Variants in ARCN1 observed in about 807,000 individuals in gnomAD.
ARCN1 encodes coatomer subunit delta.
In ARCN1, 5 loss-of-function variants were observed where a neutral mutation model predicts 60.4. That is an observed-to-expected ratio of 0.08 (90% confidence interval 0.04 to 0.17). ARCN1 has a LOEUF of 0.17. ARCN1 is among the 10% of genes least tolerant of loss of function. The probability of loss-of-function intolerance (pLI) is 1.00; values close to 1 mark genes in which losing one functional copy is unlikely to be tolerated. For missense variants in ARCN1, 464 were observed against 626.5 expected, an observed-to-expected ratio of 0.74 and a Z score of 2.77; for synonymous variants, 224 against 220.0, an observed-to-expected ratio of 1.02 and a Z score of -0.16.
chr11:118,578,933 T>G lies in ARCN1; in HGVS notation c.4-2313T>G, dbSNP rs1019659567. Among the ~76,000 whole-genome samples, 4 of 145,414 alleles carry G rather than the reference T, an allele frequency of 2.8e-5. No homozygotes were observed. In the East Asian group the frequency reaches 8.1e-4, roughly 30 times the overall value. ...ATAAAAAAAGAAAAATCCATTACCT[T>G]GAAGTGGCATAAATTTTTTTCATGA... On this transcript the variant is annotated intron_variant, in intron 1 of 9. Coordinates refer to ENST00000264028, the MANE Select transcript of ARCN1 (RefSeq NM_001655.5).
rs1555076150 is a variant in ARCN1 at position 118,590,490 on chromosome 11, A to C, written c.968A>C (p.Lys323Thr). ...CTTCATGTGGAAAATGAAGATAAGA[A>C]AGGGGTGCAGCTACAGGTGTGTAGA... ...IRLHVENEDK[K>T]GVQLQTHPNV... Residue 323 changes from lysine to threonine, a missense_variant, in exon 6 of 10, where the codon AAA becomes ACA. By Grantham distance (78) the Lys-to-Thr change is moderately conservative. Transcript: ENST00000264028. 2.5e-6 allele frequency: 4 copies of C among 1,614,058 alleles called. No homozygotes were observed. In the African/African-American group the frequency reaches 5.3e-5, roughly 22 times the overall value.
At chr11:118,577,075 T>G (rs1232767052) in intron 1 of ARCN1, among the ~76,000 whole-genome samples, 1 of 151,990 alleles carries the variant, frequency 6.6e-6, no homozygotes, top group Non-Finnish European at 1.5e-5. Context: ...TAGTCCCAGA[T>G]ACTTGGGAGG....
rs534175337 is a variant in ARCN1, at chr11:118,602,813, G to T, written c.*2099G>T. The T allele has an allele frequency of 1.3e-5, 2 of 153,770 alleles. No homozygotes were observed. Among genetic ancestry groups the T allele is most frequent in the South Asian group, 4.2e-4 (2 of 4,812 alleles). The allele number at this position is 153,770 out of a possible 1,614,324, so 9.5% of individuals were successfully genotyped here. ...TTTTTTTTCTGAGATTACTTTTGGGGTAATATTTAAAATGAGAGACATTTT... is the reference window on the plus strand; with the variant it reads ...TTTTTTTTCTGAGATTACTTTTGGGTTAATATTTAAAATGAGAGACATTTT... On this transcript the variant is annotated 3_prime_UTR_variant, in exon 10 of 10. Transcript: ENST00000264028.
At chr11:118,575,632 A>C (rs373729401) in intron 1 of ARCN1, among the ~76,000 whole-genome samples, 1 of 152,236 alleles carries the variant, frequency 6.6e-6, no homozygotes, top group East Asian at 1.9e-4. Context: ...TATAGAAACT[A>C]GCCTTAATAT....
intron 9 of ARCN1, 23 bp from the exon 10 acceptor site, chr11:118,600,602 T>C (rs782118013): frequency 6.4e-7 from 1 of 1,567,586 alleles, no homozygotes. Context: ...CTGCTTTACC[T>C]TACTCTTTGT....
chr11:118,598,241 A>G (rs1415757609), intron 9 of ARCN1, among the ~76,000 whole-genome samples: 10 of 152,140 alleles, frequency 6.6e-5, no homozygotes, highest in Non-Finnish European at 1.3e-4. Flanking sequence ...ATTTGCCAAA[A>G]CACCCCAACA....
intron 1 of ARCN1, 74 bp downstream of exon 1, chr11:118,572,624 A>AG: frequency 1.3e-6 from 2 of 1,557,218 alleles, no homozygotes; most frequent in Non-Finnish European, 1.7e-6. Flanking sequence ...GGCCTGGGGC[A>AG]GGGGCCGGAG....
chr11:118,575,049 G>T (rs1938456983), intron 1 of ARCN1, among the ~76,000 whole-genome samples: 1 of 152,174 alleles, frequency 6.6e-6, no homozygotes, highest in Non-Finnish European at 1.5e-5. Flanking sequence ...CACAATCTCA[G>T]CTCACTGCAA....
chr11:118,595,130 C>T (rs535028089), intron 8 of ARCN1, among the ~76,000 whole-genome samples: 3 of 152,236 alleles, frequency 2.0e-5, no homozygotes, highest in Non-Finnish European at 4.4e-5. Flanking sequence ...GGATTACAGG[C>T]GTGAGCCACT....
intron 1 of ARCN1, among the ~76,000 whole-genome samples, chr11:118,574,242 C>T (rs1938429347): frequency 6.6e-6 from 1 of 152,140 alleles, no homozygotes. Flanking sequence ...TATCTCAGTA[C>T]ATTCTGCTCT....
At chr11:118,583,410 T>C (rs782259569) in intron 3 of ARCN1, 52 bp downstream of exon 3, 4 of 1,517,566 alleles carry the variant, frequency 2.6e-6, no homozygotes, top group Non-Finnish European at 3.5e-6. Flanking sequence ...TCTCTTAGGC[T>C]TCACTAATCT....
rs1199456396 is a variant in ARCN1, at chr11:118,572,707, C to T, written c.3+157C>T. ...GGGGAGCAGTGTGGCCTCCTGTGCC[C>T]GGTCTCCTGGAGATCCGATGGAGCT... On this transcript the variant is annotated intron_variant, in intron 1 of 9. Transcript: ENST00000264028. 9 of 842,166 alleles carry T rather than the reference C, an allele frequency of 1.1e-5. No homozygotes were observed. The South Asian group carries it at 1.1e-4, about 10-fold the overall frequency. 52.2% of individuals were successfully genotyped at this position (842,166 alleles called of 1,614,324 possible). A position where few individuals can be genotyped will look rare whatever the true frequency, so the allele number is the denominator to read the frequency against.
intron 1 of ARCN1, chr11:118,573,806 G>T (rs561221335): frequency 2.0e-6 from 1 of 499,982 alleles, no homozygotes; most frequent in Non-Finnish European, 3.6e-6. Context: ...CATCAAACAG[G>T]TTTGCCTCCT....
At chr11:118,575,861 G>C (rs1555073432) in intron 1 of ARCN1, among the ~76,000 whole-genome samples, 2 of 152,114 alleles carry the variant, frequency 1.3e-5, no homozygotes, top group Admixed American at 6.6e-5. Context: ...GTTATGGTTA[G>C]ACAATTTGCC....
intron 2 of ARCN1, among the ~76,000 whole-genome samples, chr11:118,581,933 GACAGACACAC>G (rs1938661062): frequency 9.1e-5 from 12 of 132,134 alleles, no homozygotes; most frequent in East Asian, 8.8e-4. Flanking sequence ...CAGACAGACA[GACAGACACAC>G]ACACACACAC....
At chr11:118,582,454 G>A (rs184254329) in intron 2 of ARCN1, among the ~76,000 whole-genome samples, 132 of 152,140 alleles carry the variant, frequency 8.7e-4, no homozygotes, top group Non-Finnish European at 1.2e-3. Context: ...CTTGGGCGTG[G>A]TGGCTCACGC....
At position 118,590,380 on chromosome 11, in the gene ARCN1, T is replaced by C; in HGVS notation, c.858T>C (p.Cys286=). 6.2e-7 allele frequency: 1 copy of C among 1,614,016 alleles called. No homozygotes were observed. The highest frequency in any genetic ancestry group is 1.1e-5 in the South Asian group (1 of 91,084). ...TTGAAGAAAAGATAACATTAACCTGTGGACGAGACGGAGGATTACAGAATA... is the reference window on the plus strand; with the variant it reads ...TTGAAGAAAAGATAACATTAACCTGCGGACGAGACGGAGGATTACAGAATA... ...MKIEEKITLT[C]GRDGGLQNME... is the part of the protein sequence containing the mutation. Residue 286 remains cysteine, a synonymous_variant, in exon 6 of 10, where the codon TGT becomes TGC. Coordinates refer to ENST00000264028, the MANE Select transcript of ARCN1 (RefSeq NM_001655.5).
chr11:118,583,453 GTATTCAAAAC>G, intron 3 of ARCN1, 95 bp downstream of exon 3: 1 of 1,379,702 alleles, frequency 7.2e-7, no homozygotes, highest in East Asian at 2.5e-5. Context: ...AATGTAGACT[GTATTCAAAAC>G]TATGTCCAGG....
chr11:118,573,571 T>G lies in ARCN1; in HGVS notation c.3+1021T>G. The G allele has an allele frequency of 9.3e-6, 6 of 645,366 alleles. No individual in the cohort carries two copies. In the South Asian group the frequency reaches 9.9e-5, roughly 11 times the overall value. The allele number at this position is 645,366 out of a possible 1,614,324, so 40.0% of individuals were successfully genotyped here. A position where few individuals can be genotyped will look rare whatever the true frequency, so the allele number is the denominator to read the frequency against. On this transcript the variant is annotated intron_variant, in intron 1 of 9. Coordinates refer to ENST00000264028, the MANE Select transcript of ARCN1 (RefSeq NM_001655.5). The stretch of plus-strand genomic sequence containing the variant: ...TTTCAGTGCACCTTATGTCCTTTAG[T>G]CTTTTGAAGGATGTTCTGTTCTGTT...
Sources: gnomAD v4.1 joint callset for allele counts (sites outside exome capture counted in the v4.1 genomes callset) on GRCh38, gnomAD v4.1.1 for gene constraint, MANE v1.5 for transcripts, NCBI Gene and HGNC (gene_info 2026-07-23, HGNC 2026-07-21) for gene names.